Variants in PLEKHF2 observed in about 807,000 individuals in gnomAD.
PLEKHF2 encodes pleckstrin homology and FYVE domain containing 2.
A neutral mutation model predicts 14.7 loss-of-function variants in PLEKHF2; 4 were observed. The observed-to-expected ratio is 0.27, with a 90% CI of 0.13 to 0.62. PLEKHF2 has a LOEUF of 0.62. Among genes scored for constraint, PLEKHF2 ranks in the 20% least tolerant of loss-of-function variants. The pLI is 0.85. For synonymous variants in PLEKHF2, 90 were observed against 103.5 expected, an observed-to-expected ratio of 0.87 and a Z score of 0.79; for missense variants, 201 against 307.7, an observed-to-expected ratio of 0.65 and a Z score of 2.60.
intron 1 of PLEKHF2, among the ~76,000 whole-genome samples, chr8:95,143,683 A>G (rs1044744372): frequency 4.6e-5 from 7 of 152,266 alleles, no homozygotes; most frequent in African/African-American, 1.4e-4. Flanking sequence ...ATATTCTGGT[A>G]ATAGCTAGTA....
intron 1 of PLEKHF2, among the ~76,000 whole-genome samples, chr8:95,136,486 A>G (rs1190428272): frequency 6.6e-6 from 1 of 152,194 alleles, no homozygotes; most frequent in Non-Finnish European, 1.5e-5. Context: ...GGATTAAAGT[A>G]TAATTACTGA....
intron 1 of PLEKHF2, among the ~76,000 whole-genome samples, chr8:95,139,810 T>C (rs1336533569): frequency 8.3e-5 from 6 of 72,638 alleles, no homozygotes; most frequent in Non-Finnish European, 1.7e-4. Flanking sequence ...TAGTCCTTGA[T>C]TTTTTTTTTT....
intron 1 of PLEKHF2, among the ~76,000 whole-genome samples, chr8:95,135,773 C>A (rs900427239): frequency 1.3e-5 from 2 of 152,126 alleles, no homozygotes; most frequent in African/African-American, 2.4e-5. Context: ...GACTCTGAAG[C>A]CTTTTCATTT....
intron 1 of PLEKHF2, among the ~76,000 whole-genome samples, chr8:95,136,722 G>GA (rs1480978356): frequency 6.6e-6 from 1 of 152,120 alleles, no homozygotes; most frequent in African/African-American, 2.4e-5. Context: ...GAAAGTATAT[G>GA]AAAAATTTTT....
At chr8:95,151,226 G>A (rs1367211204) in intron 1 of PLEKHF2, among the ~76,000 whole-genome samples, 1 of 152,090 alleles carries the variant, frequency 6.6e-6, no homozygotes, top group Non-Finnish European at 1.5e-5. Context: ...GAAAAGCACA[G>A]TACAAATTTA....
intron 1 of PLEKHF2, among the ~76,000 whole-genome samples, chr8:95,147,935 CACTT>C (rs1256858241): frequency 6.6e-6 from 1 of 151,866 alleles, no homozygotes; most frequent in African/African-American, 2.4e-5. Flanking sequence ...AAAGAAACAA[CACTT>C]AATAATGATA....
chr8:95,151,122 C>G (rs915242164), intron 1 of PLEKHF2, among the ~76,000 whole-genome samples: 1 of 152,088 alleles, frequency 6.6e-6, no homozygotes, highest in African/African-American at 2.4e-5. Flanking sequence ...GCTCACAGTT[C>G]AGCTAATATT....
intron 1 of PLEKHF2, among the ~76,000 whole-genome samples, chr8:95,149,195 C>G (rs529193952): frequency 6.6e-6 from 1 of 152,222 alleles, no homozygotes; most frequent in East Asian, 1.9e-4. Flanking sequence ...TCCTTCCTAT[C>G]TTAGGACCTT....
At chr8:95,139,292 C>T (rs533677351) in intron 1 of PLEKHF2, among the ~76,000 whole-genome samples, 3 of 152,204 alleles carry the variant, frequency 2.0e-5, no homozygotes, top group South Asian at 2.1e-4. Context: ...TCAGATTGCT[C>T]GAGTCCAGGA....
chr8:95,135,092 C>G (rs1810362061), intron 1 of PLEKHF2, among the ~76,000 whole-genome samples: 1 of 152,044 alleles, frequency 6.6e-6, no homozygotes, highest in African/African-American at 2.4e-5. Flanking sequence ...CTTTGGGTCC[C>G]GACCACACGG....
chr8:95,152,932 T>C (rs926819453), intron 1 of PLEKHF2, among the ~76,000 whole-genome samples: 26 of 152,188 alleles, frequency 1.7e-4, no homozygotes, highest in African/African-American at 5.1e-4. Flanking sequence ...AGTATTAGTT[T>C]AGTAGGTTTG....
rs1335332485 is a variant in PLEKHF2 at position 95,156,247 on chromosome 8, T to C, written c.*1453T>C. ...ATTCTAAATTTAAAAAATCTTCAAA[T>C]CTGAATATACCGCAAATGTCATGAG... On this transcript the variant is annotated 3_prime_UTR_variant, in exon 2 of 2. Transcript: ENST00000315367. The C allele has an allele frequency of 6.0e-6, 1 of 167,036 alleles. No individual in the cohort carries two copies. Among genetic ancestry groups the C allele is most frequent in the Admixed American group, 6.5e-5 (1 of 15,270 alleles). The allele number at this position is 167,036 out of a possible 1,614,324, so 10.3% of individuals were successfully genotyped here.
At chr8:95,134,225 C>T (rs910289484) in intron 1 of PLEKHF2, 195 bp downstream of exon 1, 1 of 148,860 alleles carries the variant, frequency 6.7e-6, no homozygotes, top group African/African-American at 2.4e-5. Context: ...CCCCTCGCGC[C>T]GGGGCCGGCC....
At chr8:95,139,055 A>G (rs768073344) in intron 1 of PLEKHF2, among the ~76,000 whole-genome samples, 4 of 152,264 alleles carry the variant, frequency 2.6e-5, no homozygotes, top group Admixed American at 1.3e-4. Flanking sequence ...GGTGAGTAAT[A>G]TATGAATATC....
chr8:95,145,244 AGTTT>A (rs1810484381), intron 1 of PLEKHF2, among the ~76,000 whole-genome samples: 1 of 152,156 alleles, frequency 6.6e-6, no homozygotes, highest in African/African-American at 2.4e-5. Flanking sequence ...AACATATGAA[AGTTT>A]TGTCTTACCA....
chr8:95,143,546 C>G (rs908259334), intron 1 of PLEKHF2, among the ~76,000 whole-genome samples: 2 of 152,104 alleles, frequency 1.3e-5, no homozygotes, highest in Non-Finnish European at 2.9e-5. Flanking sequence ...TATACCCAGC[C>G]ACAATATTTG....
rs1274448231 is a variant in PLEKHF2, at chr8:95,139,844, A to ATTGTGACCTTT, written c.-15+5816_-15+5826dup. On this transcript the variant is annotated intron_variant, in intron 1 of 1. Transcript: ENST00000315367. ...TTTTTTCCCATGTGTCCCACTGCTG[A>ATTGTGACCTTT]TTGTGACCTTTTGGCAGGTTATTTA... Among the ~76,000 whole-genome samples, 3 of 143,844 alleles carry ATTGTGACCTTT rather than the reference A, an allele frequency of 2.1e-5. No homozygotes were observed. The East Asian group carries it at 6.0e-4, about 29-fold the overall frequency. The allele number at this position is 143,844 out of a possible 152,430, so 94.4% of individuals were successfully genotyped here.
chr8:95,149,151 G>A (rs540440125), intron 1 of PLEKHF2, among the ~76,000 whole-genome samples: 2 of 152,112 alleles, frequency 1.3e-5, no homozygotes, highest in South Asian at 2.1e-4. Context: ...AGGTAGCTAC[G>A]GAAGAAAACA....
chr8:95,138,560 T>TTTTTG (rs60458523), intron 1 of PLEKHF2, among the ~76,000 whole-genome samples: 5 of 151,982 alleles, frequency 3.3e-5, no homozygotes, highest in African/African-American at 1.2e-4. Flanking sequence ...TAAAAGGCTT[T>TTTTTG]GTCTATGAGA....
Sources: allele counts gnomAD v4.1 joint callset (sites outside exome capture counted in the v4.1 genomes callset), GRCh38; gene constraint gnomAD v4.1.1; transcripts MANE v1.5; gene names NCBI Gene and HGNC (gene_info 2026-07-23, HGNC 2026-07-21).